The following CDC42BPA variants were observed in gnomAD, a reference collection of about 807,000 sequenced individuals.
CDC42BPA encodes the protein CDC42 binding protein kinase alpha, also known as serine/threonine-protein kinase MRCK alpha.
A neutral mutation model predicts 223.5 loss-of-function variants in CDC42BPA; 80 were observed. That is an observed-to-expected ratio of 0.36 (90% CI 0.30 to 0.43). CDC42BPA has a LOEUF of 0.43. CDC42BPA is among the 20% of genes least tolerant of loss of function. The pLI, the probability that CDC42BPA is intolerant of heterozygous loss-of-function variation, is 1.00. For missense variants in CDC42BPA, 1,743 were observed against 2,099.9 expected (o/e 0.83, Z 3.32); for synonymous variants, 694 against 718.6 (o/e 0.97, Z 0.55).
At chr1:227,205,017 G>C (rs1477387205) in intron 3 of CDC42BPA, among the ~76,000 whole-genome samples, 1 of 152,044 alleles carries the variant, frequency 6.6e-6, no homozygotes, top group East Asian at 1.9e-4. Flanking sequence ...CCAGCACTGT[G>C]GGGGGCTGAG....
chr1:227,267,580 C>T (rs936385816), intron 1 of CDC42BPA, among the ~76,000 whole-genome samples: 4 of 152,166 alleles, frequency 2.6e-5, no homozygotes, highest in African/African-American at 9.7e-5. Flanking sequence ...TTTCACACTT[C>T]TATAAAGATA....
intron 9 of CDC42BPA, 64 bp from the exon 10 acceptor site, chr1:227,139,806 C>T: frequency 1.8e-6 from 2 of 1,084,764 alleles, no homozygotes; most frequent in Non-Finnish European, 2.5e-6. Context: ...AAAACGTTAA[C>T]ATTTTTTAAA....
chr1:227,088,264 T>C (rs1471813127), intron 16 of CDC42BPA, among the ~76,000 whole-genome samples: 1 of 152,212 alleles, frequency 6.6e-6, no homozygotes, highest in African/African-American at 2.4e-5. Context: ...TTAAATGAGT[T>C]ATATGAAGTA....
chr1:227,035,385 A>G, intron 25 of CDC42BPA, 86 bp downstream of exon 25: 1 of 980,564 alleles, frequency 1.0e-6, no homozygotes. Context: ...TCCATCAAGA[A>G]CTATCCTCTT....
intron 11 of CDC42BPA, 91 bp from the exon 12 acceptor site, chr1:227,120,028 G>A: frequency 2.0e-6 from 2 of 985,400 alleles, no homozygotes; most frequent in African/African-American, 1.7e-5. Context: ...TTTTAAAATT[G>A]GTATTTTCAA....
chr1:227,130,805 A>T (rs952149255), intron 10 of CDC42BPA, among the ~76,000 whole-genome samples: 14 of 152,196 alleles, frequency 9.2e-5, no homozygotes, highest in African/African-American at 3.1e-4. Flanking sequence ...CAGTGAGCTG[A>T]GATCATGCCA....
intron 1 of CDC42BPA, among the ~76,000 whole-genome samples, chr1:227,271,188 C>T (rs1028105943): frequency 1.3e-4 from 20 of 151,986 alleles, no homozygotes; most frequent in Non-Finnish European, 2.8e-4. Context: ...TTTAAATAAA[C>T]ATATATTCAT....
rs984331368 is a variant in CDC42BPA, at chr1:227,317,905, G to A, written c.-723C>T. 1 of 398,580 alleles carries A rather than the reference G, an allele frequency of 2.5e-6. No homozygotes were observed. The highest frequency in any genetic ancestry group is 4.4e-6 in the Non-Finnish European group (1 of 226,038). 24.7% of individuals were successfully genotyped at this position (398,580 alleles called of 1,614,324 possible). A position where few individuals can be genotyped will look rare whatever the true frequency, so the allele number is the denominator to read the frequency against. ...GTCAGTCCTATTTTCAACGGATTCC[G>A]GTGAAAACTCTTCATTTTCCTCCCG... On this transcript the variant is annotated 5_prime_UTR_variant, in exon 1 of 37. Coordinates refer to ENST00000366766, the MANE Select transcript of CDC42BPA (RefSeq NM_001394014.1).
In CDC42BPA at chr1:227,303,825, A is replaced by C. The variant is rs572087615; in HGVS notation, c.178+13180T>G. On this transcript the variant is annotated intron_variant, in intron 1 of 36. Coordinates refer to ENST00000366766, the MANE Select transcript of CDC42BPA (RefSeq NM_001394014.1). ...TTAAAGGTTTATGACTCTTTAAAAA[A>C]ATTATTTTATTATAGTGTTAGTGAA... Among the ~76,000 whole-genome samples, 22 of 152,272 alleles carry C rather than the reference A, an allele frequency of 1.4e-4. No individual in the cohort carries two copies. The South Asian group carries it at 4.6e-3, about 32-fold the overall frequency.
intron 32 of CDC42BPA, among the ~76,000 whole-genome samples, chr1:227,021,719 A>G (rs1416539267): frequency 6.6e-6 from 1 of 152,086 alleles, no homozygotes; most frequent in African/African-American, 2.4e-5. Context: ...GGAGAAAACC[A>G]TTAAGATAAT....
At chr1:227,102,874 G>A (rs968320748) in intron 14 of CDC42BPA, among the ~76,000 whole-genome samples, 9 of 151,932 alleles carry the variant, frequency 5.9e-5, no homozygotes, top group African/African-American at 2.2e-4. Flanking sequence ...AAATCCAAAT[G>A]ATAATCTCAG....
At chr1:227,076,578 T>C (rs1362277587) in intron 17 of CDC42BPA, among the ~76,000 whole-genome samples, 1 of 152,200 alleles carries the variant, frequency 6.6e-6, no homozygotes, top group African/African-American at 2.4e-5. Context: ...TCTTGCTCCT[T>C]GCTTGTAGGC....
intron 2 of CDC42BPA, among the ~76,000 whole-genome samples, chr1:227,221,450 A>C (rs1675882622): frequency 6.6e-6 from 1 of 152,110 alleles, no homozygotes; most frequent in African/African-American, 2.4e-5. Flanking sequence ...AACTCACTCA[A>C]GTTGCAAATC....
intron 32 of CDC42BPA, among the ~76,000 whole-genome samples, chr1:227,018,032 A>AATTATTATTATTATTATTATT (rs56236828): frequency 3.3e-4 from 48 of 145,102 alleles, no homozygotes; most frequent in African/African-American, 1.1e-3. Flanking sequence ...TTAAAAATAG[A>AATTATTATTATTATTATTATT]ATTATTATTA....
chr1:227,076,783 C>T (rs1053160758), intron 17 of CDC42BPA, among the ~76,000 whole-genome samples: 5 of 152,124 alleles, frequency 3.3e-5, no homozygotes, highest in Admixed American at 2.0e-4. Flanking sequence ...TAAACATGTA[C>T]AAACTCTACC....
chr1:227,280,130 T>C (rs187573146), intron 1 of CDC42BPA, among the ~76,000 whole-genome samples: 21 of 152,336 alleles, frequency 1.4e-4, no homozygotes, highest in African/African-American at 4.8e-4. Context: ...AGACTTATTT[T>C]CTATTAGAAT....
intron 29 of CDC42BPA, 114 bp from the exon 30 acceptor site, chr1:227,029,364 A>T (rs1668827782): frequency 1.5e-6 from 1 of 669,892 alleles, no homozygotes; most frequent in Admixed American, 3.0e-5. Context: ...AGAATAAGAC[A>T]TCAGAAGTCA....
chr1:227,268,668 A>ATATATATG (rs1558914140), intron 1 of CDC42BPA, among the ~76,000 whole-genome samples: 16 of 144,514 alleles, frequency 1.1e-4, no homozygotes, highest in African/African-American at 3.1e-4. Flanking sequence ...ATATATATAC[A>ATATATATG]TATATATATA....
chr1:227,074,310 C>A lies in CDC42BPA; in HGVS notation c.2535G>T (p.Met845Ile). 2 of 1,613,756 alleles carry A rather than the reference C, an allele frequency of 1.2e-6. No homozygotes were observed. The highest frequency in any genetic ancestry group is 1.3e-5 in the African/African-American group (1 of 75,022). Residue 845 changes from methionine to isoleucine, a missense_variant, in exon 18 of 37, where the codon ATG (methionine) becomes ATT (isoleucine). Physicochemically the swap from Met to Ile is conservative, Grantham distance 10 (BLOSUM62 1). Transcript: ENST00000366766. ...RGYLQALASK[M>I]TEELEALRNS... ...TTCTTAATGCCTCCAATTCTTCAGT[C>A]ATTTTAGAAGCTAAGGCCTGAAGAT...
Sources: gnomAD v4.1 joint callset for allele counts (sites outside exome capture counted in the v4.1 genomes callset) on GRCh38, gnomAD v4.1.1 for gene constraint, MANE v1.5 for transcripts, NCBI Gene and HGNC (gene_info 2026-07-23, HGNC 2026-07-21) for gene names.